ADD2: variants seen among roughly 807,000 people sequenced by gnomAD.
ADD2 encodes adducin 2.
In ADD2, 23 loss-of-function variants were observed where a neutral mutation model predicts 83.0. The ratio of observed to expected loss-of-function variants is 0.28; its 90% CI spans 0.20 to 0.39. The LOEUF is 0.39. ADD2 is among the 10% of genes least tolerant of loss of function. ADD2 has a pLI of 1.00. For missense variants in ADD2, 758 were observed against 944.9 expected, an observed-to-expected ratio of 0.80 and a Z score of 2.59; for synonymous variants, 375 against 375.4, an observed-to-expected ratio of 1.00 and a Z score of 0.01.
chr2:70,762,912 G>T (rs1262568538), intron 1 of ADD2, among the ~76,000 whole-genome samples: 1 of 151,304 alleles, frequency 6.6e-6, no homozygotes, highest in Non-Finnish European at 1.5e-5. Flanking sequence ...CACCATGTTG[G>T]CCAGGCTGGT....
At chr2:70,732,245 T>C (rs566680504) in intron 1 of ADD2, among the ~76,000 whole-genome samples, 2 of 152,130 alleles carry the variant, frequency 1.3e-5, no homozygotes, top group Non-Finnish European at 1.5e-5. Context: ...CAGAACCATT[T>C]TGTCCACCAA....
intron 1 of ADD2, 96 bp downstream of exon 1, chr2:70,767,790 C>A: frequency 6.7e-7 from 1 of 1,501,908 alleles, no homozygotes; most frequent in Non-Finnish European, 8.9e-7. Flanking sequence ...CCACCTGGGC[C>A]AAGCGGCTCC....
At chr2:70,726,660 T>G (rs935706057) in intron 1 of ADD2, among the ~76,000 whole-genome samples, 2 of 152,222 alleles carry the variant, frequency 1.3e-5, no homozygotes, top group African/African-American at 2.4e-5. Context: ...TTTGTGTTAA[T>G]GCTTTTATGG....
chr2:70,758,321 T>C (rs1674906628), intron 1 of ADD2, among the ~76,000 whole-genome samples: 1 of 152,168 alleles, frequency 6.6e-6, no homozygotes, highest in Non-Finnish European at 1.5e-5. Context: ...TGCCTTTGTA[T>C]CTTAATTAGG....
intron 1 of ADD2, among the ~76,000 whole-genome samples, chr2:70,753,792 A>G (rs1176486692): frequency 3.3e-5 from 5 of 152,316 alleles, no homozygotes; most frequent in Non-Finnish European, 7.4e-5. Flanking sequence ...TGAGATTTTC[A>G]GCCATGCATC....
chr2:70,724,248 C>G (rs1672870807), intron 1 of ADD2, among the ~76,000 whole-genome samples: 1 of 152,216 alleles, frequency 6.6e-6, no homozygotes, highest in African/African-American at 2.4e-5. Flanking sequence ...ATTCCAGGAC[C>G]CACCCCGTGC....
At position 70,742,661 on chromosome 2, in the gene ADD2, C is replaced by A. The variant is rs895685390; in HGVS notation, c.-154+25225G>T. ...ACAGTGAATGAAATAAGAGGAATGC[C>A]GCAAAGAAAACAAAGTACTGTAGCC... On this transcript the variant is annotated intron_variant, in intron 1 of 15. Transcript: ENST00000264436. Among the ~76,000 whole-genome samples, 5 of 152,156 alleles carry A rather than the reference C, an allele frequency of 3.3e-5. No homozygotes were observed. In the Middle Eastern group the frequency reaches 0.014, roughly 414 times the overall value.
At chr2:70,756,062 CAAAAAAAAGAAAAAAAA>C (rs1305873035) in intron 1 of ADD2, among the ~76,000 whole-genome samples, 16 of 68,982 alleles carry the variant, frequency 2.3e-4, no homozygotes, top group Non-Finnish European at 2.8e-4. Flanking sequence ...TTCATCTCAG[CAAAAAAAAGAAAAAAAA>C]AAAAAAAAGA....
At chr2:70,688,152 C>A (rs782186226) in intron 8 of ADD2, 30 bp from the exon 9 acceptor site, 2 of 1,577,022 alleles carry the variant, frequency 1.3e-6, no homozygotes, top group Non-Finnish European at 1.7e-6. Flanking sequence ...CAATTAAAAC[C>A]TTAAGTCCTC....
chr2:70,677,692 T>C, intron 12 of ADD2, 66 bp downstream of exon 12: 1 of 1,583,462 alleles, frequency 6.3e-7, no homozygotes, highest in Non-Finnish European at 8.6e-7. Flanking sequence ...ACTCAGCTCC[T>C]GTTTGTGGGA....
At chr2:70,692,638 C>T (rs1313329867) in intron 6 of ADD2, 86 bp from the exon 7 acceptor site, 24 of 1,386,184 alleles carry the variant, frequency 1.7e-5, no homozygotes, top group South Asian at 4.4e-5. Flanking sequence ...CAGCATGTGC[C>T]GCCCACCTGT....
intron 10 of ADD2, among the ~76,000 whole-genome samples, chr2:70,680,647 T>A (rs138343439): frequency 0.016 from 2,408 of 152,330 alleles, 58 homozygotes; most frequent in African/African-American, 0.054. Context: ...TTATAGCTCT[T>A]CACTGACTTC....
At chr2:70,724,728 CA>C (rs1287532660) in intron 1 of ADD2, among the ~76,000 whole-genome samples, 5 of 152,224 alleles carry the variant, frequency 3.3e-5, no homozygotes, top group Non-Finnish European at 5.9e-5. Flanking sequence ...TCCTCTGACG[CA>C]GAGGCGAGGC....
chr2:70,663,873 T>C (rs782265705), intron 15 of ADD2, 138 bp from the exon 16 acceptor site: 13 of 922,530 alleles, frequency 1.4e-5, no homozygotes, highest in Non-Finnish European at 2.1e-5. Flanking sequence ...TGTTGAGGGA[T>C]GGCTACCAGA....
rs552387573 is a variant in ADD2, at chr2:70,766,787, T to C, written c.-154+1099A>G. ...TGCATTTAGGAAACTGAGATTTGAT[T>C]TCTATTATCGATAAAGCTCATCTGA... On this transcript the variant is annotated intron_variant, in intron 1 of 15. Transcript: ENST00000264436. Among the ~76,000 whole-genome samples the C allele has an allele frequency of 8.6e-4, 131 of 152,322 alleles. 1 individual carries two copies. The South Asian group carries it at 0.019, about 22-fold the overall frequency.
At chr2:70,750,918 A>G (rs1039345669) in intron 1 of ADD2, among the ~76,000 whole-genome samples, 1 of 152,154 alleles carries the variant, frequency 6.6e-6, no homozygotes, top group South Asian at 2.1e-4. Flanking sequence ...CTGCCTCCCC[A>G]CACCCTAGCT....
chr2:70,761,872 C>T (rs1360533576), intron 1 of ADD2, among the ~76,000 whole-genome samples: 2 of 151,312 alleles, frequency 1.3e-5, no homozygotes, highest in Non-Finnish European at 2.9e-5. Flanking sequence ...GGGGTTTCAC[C>T]ATATTAGCCA....
Position 70,706,380 on chromosome 2 carries a change from G to A in ADD2, c.29C>T (p.Ala10Val). 9 of 1,610,676 alleles carry A rather than the reference G, an allele frequency of 5.6e-6. No homozygotes were observed. The highest frequency in any genetic ancestry group is 7.6e-6 in the Non-Finnish European group (9 of 1,178,572). The change falls in exon 3 of 16, where the codon GCC (alanine) becomes GTC (valine). Residue 10 changes from alanine (A) to valine (V), a missense_variant. By Grantham distance (64) the Ala-to-Val change is moderately conservative. Coordinates refer to ENST00000264436, the MANE Select transcript of ADD2 (RefSeq NM_001617.4). This position sits in a 1 kb window ranked among gnomAD's most constrained non-coding sequence, Gnocchi z 5.0. MSEETVPEAASPPPPQGQPY... is the reference protein window; with the variant it reads MSEETVPEAVSPPPPQGQPY... ...CTGCCCCTGCGGGGGCGGCGGCGAG[G>A]CAGCCTCGGGGACCGTCTCTTCGCT...
chr2:70,735,166 GTTT>G (rs1320332437), intron 1 of ADD2, among the ~76,000 whole-genome samples: 1 of 151,968 alleles, frequency 6.6e-6, no homozygotes, highest in Non-Finnish European at 1.5e-5. Context: ...GATGGTGATT[GTTT>G]TTTTGTCAGC....
Sources: gnomAD v4.1 joint callset for allele counts (sites outside exome capture counted in the v4.1 genomes callset) on GRCh38, gnomAD v4.1.1 for gene constraint, Gnocchi (gnomAD v3.1) non-coding constraint, MANE v1.5 for transcripts, NCBI Gene and HGNC (gene_info 2026-07-23, HGNC 2026-07-21) for gene names.